RGS20: variants seen among roughly 807,000 people sequenced by gnomAD.
RGS20 encodes gz-selective GTPase-activating protein.
RGS20 carries 30 observed loss-of-function variants against 33.6 expected under a neutral mutation model. The ratio of observed to expected loss-of-function variants is 0.89; its 90% CI spans 0.67 to 1.21. The LOEUF (loss-of-function observed/expected upper bound fraction) is 1.21. Among genes scored for constraint, RGS20 ranks in the 50% most tolerant of loss-of-function variants. The pLI, the probability that RGS20 is intolerant of heterozygous loss-of-function variation, is 0.00. For synonymous variants in RGS20, 208 were observed against 197.9 expected (o/e 1.05, Z -0.43); for missense variants, 472 against 502.4 (o/e 0.94, Z 0.58).
intron 2 of RGS20, among the ~76,000 whole-genome samples, chr8:53,909,479 A>T (rs1280096048): frequency 2.0e-5 from 3 of 151,594 alleles, no homozygotes; most frequent in Non-Finnish European, 4.4e-5. Context: ...TCAAACTCCT[A>T]GGCTGAAGTG....
intron 1 of RGS20, among the ~76,000 whole-genome samples, chr8:53,876,994 G>A (rs182192452): frequency 6.6e-6 from 1 of 152,208 alleles, no homozygotes; most frequent in African/African-American, 2.4e-5. Context: ...TGGGAAGAAG[G>A]ACTGGGGCGA....
chr8:53,911,842 G>A (rs1328515313), intron 2 of RGS20, among the ~76,000 whole-genome samples: 1 of 152,224 alleles, frequency 6.6e-6, no homozygotes, highest in Non-Finnish European at 1.5e-5. Context: ...TCGGGAGACT[G>A]AGGCATGAGA....
intron 1 of RGS20, among the ~76,000 whole-genome samples, chr8:53,869,663 AAGAG>A (rs1243386991): frequency 1.3e-5 from 2 of 152,146 alleles, no homozygotes; most frequent in Admixed American, 6.5e-5. Context: ...GTGATAGCAC[AAGAG>A]AGACTCAGTC....
intron 2 of RGS20, among the ~76,000 whole-genome samples, chr8:53,916,764 G>A (rs1014664411): frequency 4.6e-5 from 7 of 152,068 alleles, no homozygotes; most frequent in South Asian, 2.1e-4. Flanking sequence ...TGGCTCAAAC[G>A]ACCAAATTTG....
At chr8:53,912,656 G>T (rs1585914274) in intron 2 of RGS20, among the ~76,000 whole-genome samples, 2 of 151,850 alleles carry the variant, frequency 1.3e-5, no homozygotes, top group Non-Finnish European at 2.9e-5. Context: ...TTTTTCATAG[G>T]TGATTTTATT....
intron 1 of RGS20, among the ~76,000 whole-genome samples, chr8:53,861,603 C>T (rs1585861624): frequency 6.6e-6 from 1 of 152,184 alleles, no homozygotes; most frequent in African/African-American, 2.4e-5. Flanking sequence ...TTAAGGCTTT[C>T]ATCTGTGACC....
At chr8:53,893,859 T>A (rs1382464401) in intron 2 of RGS20, among the ~76,000 whole-genome samples, 2 of 152,166 alleles carry the variant, frequency 1.3e-5, no homozygotes, top group African/African-American at 4.8e-5. Flanking sequence ...ATAAAAAGGA[T>A]AAAATTATGC....
intron 1 of RGS20, among the ~76,000 whole-genome samples, chr8:53,855,116 G>A (rs1052216650): frequency 5.9e-5 from 9 of 151,996 alleles, no homozygotes; most frequent in Non-Finnish European, 5.9e-5. Flanking sequence ...CCAGGCTGGA[G>A]TGCAGTGGGG....
intron 5 of RGS20, 47 bp from the exon 5 acceptor site, chr8:53,958,223 A>T: frequency 7.3e-7 from 1 of 1,370,940 alleles, no homozygotes; most frequent in Non-Finnish European, 9.8e-7. Flanking sequence ...TGGGATAGAG[A>T]TACAACTGAA....
At chr8:53,881,061 G>T in intron 2 of RGS20, 3 of 1,549,058 alleles carry the variant, frequency 1.9e-6, no homozygotes, top group Non-Finnish European at 2.6e-6. Flanking sequence ...TTCCTCCCCG[G>T]CCGGCAGGGT....
chr8:53,914,181 T>G (rs147569058), intron 2 of RGS20, among the ~76,000 whole-genome samples: 2 of 152,156 alleles, frequency 1.3e-5, no homozygotes, highest in Non-Finnish European at 2.9e-5. Context: ...TAGGCATGCA[T>G]CACCACATCT....
intron 2 of RGS20, among the ~76,000 whole-genome samples, chr8:53,910,505 A>C (rs56078867): frequency 0.022 from 3,305 of 152,314 alleles, 84 homozygotes; most frequent in African/African-American, 0.067. Flanking sequence ...GAACAGAAAA[A>C]AGATACAGCT....
chr8:53,928,617 A>G (rs1372317558), intron 2 of RGS20, among the ~76,000 whole-genome samples: 1 of 152,136 alleles, frequency 6.6e-6, no homozygotes, highest in Non-Finnish European at 1.5e-5. Context: ...TGAGGTCAGG[A>G]GTTCGAGACC....
intron 2 of RGS20, among the ~76,000 whole-genome samples, chr8:53,910,756 G>T (rs1244163462): frequency 6.6e-6 from 1 of 152,148 alleles, no homozygotes; most frequent in Non-Finnish European, 1.5e-5. Context: ...CAGTAAACAA[G>T]AATGAACTAC....
chr8:53,948,641 A>G (rs1437483526), intron 4 of RGS20, among the ~76,000 whole-genome samples: 1 of 134,266 alleles, frequency 7.4e-6, no homozygotes, highest in African/African-American at 2.9e-5. Context: ...TACATATGCT[A>G]TATATAAGAT....
intron 2 of RGS20, among the ~76,000 whole-genome samples, chr8:53,932,825 T>TG (rs1352389467): frequency 6.6e-6 from 1 of 152,176 alleles, no homozygotes; most frequent in East Asian, 1.9e-4. Flanking sequence ...GCCTCCTGAC[T>TG]GGGAGACACC....
intron 1 of RGS20, among the ~76,000 whole-genome samples, chr8:53,872,260 C>A (rs1295628508): frequency 6.6e-6 from 1 of 152,030 alleles, no homozygotes; most frequent in East Asian, 1.9e-4. Context: ...TTATTCCTAC[C>A]CTTGCCCCCT....
chr8:53,851,981 C>CT lies in RGS20; in HGVS notation c.83dup (p.Phe29ValfsTer7). 1.2e-6 allele frequency: 2 copies of CT among 1,614,172 alleles called. No homozygotes were observed. Among genetic ancestry groups the CT allele is most frequent in the Non-Finnish European group, 1.7e-6 (2 of 1,180,008 alleles). ...GTCTATATGGACACAGTTTCTGCCC[C>CT]TGTTCAGGGCTCAGAGATATAATAC... On this transcript the variant is annotated frameshift_variant, in exon 1 of 6. Transcript: ENST00000297313. LOFTEE classifies it high-confidence loss of function.
chr8:53,907,982 G>T (rs1002531374), intron 2 of RGS20, among the ~76,000 whole-genome samples: 1 of 152,172 alleles, frequency 6.6e-6, no homozygotes, highest in Non-Finnish European at 1.5e-5. Context: ...AGTGCATTCT[G>T]CAGGGTAGAG....
Sources: allele counts gnomAD v4.1 joint callset (sites outside exome capture counted in the v4.1 genomes callset), GRCh38; gene constraint gnomAD v4.1.1; transcripts MANE v1.5; gene names NCBI Gene and HGNC (gene_info 2026-07-23, HGNC 2026-07-21).